The following CDH1 variants were observed in gnomAD, a reference collection of about 807,000 sequenced individuals.
CDH1 encodes the protein cadherin 1, also known as cadherin-1.
In CDH1, 35 loss-of-function variants were observed where a neutral mutation model predicts 84.5. The ratio of observed to expected loss-of-function variants is 0.41; its 90% CI spans 0.32 to 0.55. The LOEUF (loss-of-function observed/expected upper bound fraction) is 0.55. Ranked by LOEUF, CDH1 falls within the 20% of genes least tolerant of loss-of-function variation. The pLI is 0.19. For missense variants in CDH1, 994 were observed against 1,126.6 expected, an observed-to-expected ratio of 0.88 and a Z score of 1.68; for synonymous variants, 417 against 439.0, an observed-to-expected ratio of 0.95 and a Z score of 0.63.
chr16:68,775,253 G>A (rs1959698320), intron 2 of CDH1, among the ~76,000 whole-genome samples: 1 of 152,066 alleles, frequency 6.6e-6, no homozygotes, highest in South Asian at 2.1e-4. Flanking sequence ...TTGAAAGTAC[G>A]CTGCAGGCAT....
chr16:68,799,997 GA>G (rs1221659944), intron 2 of CDH1, among the ~76,000 whole-genome samples: 3 of 148,932 alleles, frequency 2.0e-5, no homozygotes, highest in Non-Finnish European at 4.4e-5. Context: ...GCAACAGAGC[GA>G]GACTGTCTCA....
At chr16:68,776,855 G>A (rs539800160) in intron 2 of CDH1, among the ~76,000 whole-genome samples, 10 of 152,158 alleles carry the variant, frequency 6.6e-5, no homozygotes, top group African/African-American at 1.2e-4. Context: ...TAGTTCTCAC[G>A]ACAGTCCTGT....
Position 68,801,800 on chromosome 16 carries a change from C to T in CDH1, c.294C>T (p.Phe98=), listed in dbSNP as rs1177900932. 6.2e-7 allele frequency: 1 copy of T among 1,614,224 alleles called. No homozygotes were observed. The highest frequency in any genetic ancestry group is 8.5e-7 in the Non-Finnish European group (1 of 1,180,026). ...PLRFHNPQIH[F]LVYAWDSTYR... ...GGTTTCATAACCCACAGATCCATTTCTTGGTCTACGCCTGGGACTCCACCT... is the reference window on the plus strand; with the variant it reads ...GGTTTCATAACCCACAGATCCATTTTTTGGTCTACGCCTGGGACTCCACCT... The change falls in exon 3 of 16, where the codon TTC becomes TTT. Residue 98 remains phenylalanine (F), a synonymous_variant. Coordinates refer to ENST00000261769, the MANE Select transcript of CDH1 (RefSeq NM_004360.5).
chr16:68,809,721 T>G (rs111513277), intron 5 of CDH1, among the ~76,000 whole-genome samples: 1 of 152,130 alleles, frequency 6.6e-6, no homozygotes, highest in African/African-American at 2.4e-5. Flanking sequence ...AAACAAGATC[T>G]TGCTATGTTG....
intron 2 of CDH1, among the ~76,000 whole-genome samples, chr16:68,800,775 A>T (rs1017580734): frequency 6.6e-6 from 1 of 152,182 alleles, no homozygotes. Context: ...TGCCCTCACC[A>T]TGCAATAGAT....
chr16:68,817,219 T>TAG (rs1961009723), intron 10 of CDH1, among the ~76,000 whole-genome samples: 2 of 152,204 alleles, frequency 1.3e-5, no homozygotes, highest in African/African-American at 4.8e-5. Flanking sequence ...TTAGCCTCCC[T>TAG]GTACCTCCCA....
intron 2 of CDH1, among the ~76,000 whole-genome samples, chr16:68,784,200 A>T (rs377017427): frequency 6.6e-6 from 1 of 150,470 alleles, no homozygotes; most frequent in East Asian, 1.9e-4. Context: ...ATCTATAAAC[A>T]TGATCAGAAT....
chr16:68,818,867 A>AAAG (rs1555516473), intron 10 of CDH1, among the ~76,000 whole-genome samples: 14 of 147,310 alleles, frequency 9.5e-5, no homozygotes, highest in African/African-American at 3.7e-4. Flanking sequence ...AAAAAAAAAA[A>AAAG]AAAGAAAGAA....
intron 8 of CDH1, among the ~76,000 whole-genome samples, chr16:68,812,875 A>G (rs1960877469): frequency 6.6e-6 from 1 of 152,122 alleles, no homozygotes; most frequent in Admixed American, 6.6e-5. Flanking sequence ...CTCCATCTCC[A>G]CTAAAAATAC....
rs532268264 is a variant in CDH1 at position 68,777,224 on chromosome 16, C to T, written c.164-24446C>T. Reference sequence around the variant, plus strand: ...ATGAAAGCATAGTGGTCAAGAGCCACGGGCTCTGGGGCCAGACGGCCTGTG... The same window carrying T: ...ATGAAAGCATAGTGGTCAAGAGCCATGGGCTCTGGGGCCAGACGGCCTGTG... On this transcript the variant is annotated intron_variant, in intron 2 of 15. Transcript: ENST00000261769. Among the ~76,000 whole-genome samples, 8 of 152,298 alleles carry T rather than the reference C, an allele frequency of 5.3e-5. No individual in the cohort carries two copies. In the South Asian group the frequency reaches 1.0e-3, roughly 20 times the overall value.
intron 2 of CDH1, among the ~76,000 whole-genome samples, chr16:68,750,577 G>A (rs866131485): frequency 9.2e-5 from 14 of 152,136 alleles, no homozygotes; most frequent in African/African-American, 3.1e-4. Flanking sequence ...AGCTGGCTTT[G>A]TAATTAGGAG....
At chr16:68,810,897 G>T (rs1046608316) in intron 6 of CDH1, among the ~76,000 whole-genome samples, 19 of 151,898 alleles carry the variant, frequency 1.3e-4, no homozygotes, top group African/African-American at 4.1e-4. Context: ...TCAGAGACAG[G>T]GTCTTGCTTT....
intron 2 of CDH1, among the ~76,000 whole-genome samples, chr16:68,789,433 C>T (rs976346688): frequency 6.6e-6 from 1 of 151,894 alleles, no homozygotes; most frequent in Non-Finnish European, 1.5e-5. Context: ...GGGATATAGA[C>T]CAGGATCTGA....
rs34210985 is a variant in CDH1, at chr16:68,812,283, G to A, written c.1137+20G>A. On this transcript the variant is annotated intron_variant, in intron 8 of 15. Coordinates refer to ENST00000261769, the MANE Select transcript of CDH1 (RefSeq NM_004360.5). The stretch of plus-strand genomic sequence containing the variant: ...ACCACGGTAATTCTATAACTCCTTA[G>A]AGGGTTTCCAAAGAAAGGTCTTTTG... The A allele has an allele frequency of 8.7e-6, 14 of 1,613,644 alleles. No individual in the cohort carries two copies. The highest frequency in any genetic ancestry group is 5.0e-5 in the Admixed American group (3 of 60,006).
chr16:68,770,798 A>C (rs1273397943), intron 2 of CDH1: 2 of 152,150 alleles, frequency 1.3e-5, no homozygotes, highest in African/African-American at 4.8e-5. Context: ...CAAGAGGCCC[A>C]GTGTGGCAGG....
intron 2 of CDH1, among the ~76,000 whole-genome samples, chr16:68,760,513 A>G (rs1000847526): frequency 3.3e-5 from 5 of 151,978 alleles, no homozygotes; most frequent in African/African-American, 1.2e-4. Context: ...CAGGCCTTGG[A>G]GAATTTTGCC....
rs1057521164 is a variant in CDH1, at chr16:68,829,639, C to T, written c.2296-15C>T. The T allele has an allele frequency of 6.2e-7, 1 of 1,613,834 alleles. No homozygotes were observed. Among genetic ancestry groups the T allele is most frequent in the Non-Finnish European group, 8.5e-7 (1 of 1,179,834 alleles). On this transcript the variant is annotated splice_polypyrimidine_tract_variant and intron_variant, in intron 14 of 15. Transcript: ENST00000261769. ...TTCCTACTCTTCATTGTACTTCAAC[C>T]TTTTTTCTCCAAAGGACTTTGACTT... is the stretch of plus-strand genomic sequence containing the variant.
At chr16:68,767,493 C>T (rs941811195) in intron 2 of CDH1, among the ~76,000 whole-genome samples, 7 of 152,018 alleles carry the variant, frequency 4.6e-5, no homozygotes, top group African/African-American at 1.4e-4. Context: ...CCACCGTGCC[C>T]GGCCTAGACC....
chr16:68,813,254 G>A (rs1192075426), intron 8 of CDH1, 59 bp from the exon 9 acceptor site: 1 of 1,539,266 alleles, frequency 6.5e-7, no homozygotes, highest in Non-Finnish European at 9.0e-7. Context: ...AGCCCCCTGA[G>A]ACTCAGCTCT....
Sources: allele counts gnomAD v4.1 joint callset (sites outside exome capture counted in the v4.1 genomes callset), GRCh38; gene constraint gnomAD v4.1.1; transcripts MANE v1.5; gene names NCBI Gene and HGNC (gene_info 2026-07-23, HGNC 2026-07-21).